Variants in SLC9A9 observed in about 807,000 individuals in gnomAD.
The protein encoded by SLC9A9 is sodium/hydrogen exchanger 9.
SLC9A9 carries 62 observed loss-of-function variants against 77.8 expected under a neutral mutation model. The ratio of observed to expected loss-of-function variants is 0.80; its 90% confidence interval spans 0.65 to 0.98. The LOEUF (loss-of-function observed/expected upper bound fraction) is 0.98. Among genes scored for constraint, SLC9A9 ranks in the 50% least tolerant of loss-of-function variants. The pLI, the probability that SLC9A9 is intolerant of heterozygous loss-of-function variation, is 0.00. For synonymous variants in SLC9A9, 320 were observed against 283.5 expected, an observed-to-expected ratio of 1.13 and a Z score of -1.29; for missense variants, 775 against 774.9, an observed-to-expected ratio of 1.00 and a Z score of 0.00.
chr3:143,711,036 G>T (rs971880987), intron 4 of SLC9A9, among the ~76,000 whole-genome samples: 1 of 152,116 alleles, frequency 6.6e-6, no homozygotes, highest in Non-Finnish European at 1.5e-5. Context: ...TTGATTGATG[G>T]TTTTAAAATA....
intron 12 of SLC9A9, among the ~76,000 whole-genome samples, chr3:143,410,359 C>T (rs1185014073): frequency 6.6e-6 from 1 of 152,204 alleles, no homozygotes; most frequent in Non-Finnish European, 1.5e-5. Flanking sequence ...CAGGCATCTC[C>T]AACTCCCTGT....
In SLC9A9 at chr3:143,266,371, G is replaced by A. The variant is rs551922061; in HGVS notation, c.*331C>T. 8 of 551,482 alleles carry A rather than the reference G, an allele frequency of 1.5e-5. No individual in the cohort carries two copies. In the East Asian group the frequency reaches 2.5e-4, roughly 17 times the overall value. 34.2% of individuals were successfully genotyped at this position (551,482 alleles called of 1,614,324 possible). A position where few individuals can be genotyped will look rare whatever the true frequency, so the allele number is the denominator to read the frequency against. On this transcript the variant is annotated 3_prime_UTR_variant, in exon 16 of 16. Transcript: ENST00000316549. The stretch of plus-strand genomic sequence containing the variant: ...AGAATAGAAGTGAAGGGCCTGGAGA[G>A]CCGCATTCGCAGCAGAAATGCCCTG...
intron 2 of SLC9A9, chr3:143,811,667 A>C: frequency 2.2e-6 from 1 of 454,394 alleles, no homozygotes. Flanking sequence ...CCAACATGGC[A>C]AAAAATGGTC....
At chr3:143,616,992 C>G (rs973714899) in intron 6 of SLC9A9, among the ~76,000 whole-genome samples, 3 of 151,892 alleles carry the variant, frequency 2.0e-5, no homozygotes, top group Admixed American at 6.6e-5. Context: ...AAGAAGAATG[C>G]TCAGGATGAA....
At chr3:143,609,178 G>T (rs1200454742) in intron 6 of SLC9A9, among the ~76,000 whole-genome samples, 6 of 152,102 alleles carry the variant, frequency 3.9e-5, no homozygotes, top group Non-Finnish European at 7.4e-5. Context: ...ACAGATTCCT[G>T]GGAAGCTTTC....
chr3:143,526,455 T>C (rs2036407229), intron 9 of SLC9A9, among the ~76,000 whole-genome samples: 1 of 152,198 alleles, frequency 6.6e-6, no homozygotes, highest in African/African-American at 2.4e-5. Context: ...AACTCCAAGC[T>C]AATATACTTA....
intron 4 of SLC9A9, among the ~76,000 whole-genome samples, chr3:143,729,362 A>C (rs1429271497): frequency 6.6e-6 from 1 of 152,240 alleles, no homozygotes; most frequent in Non-Finnish European, 1.5e-5. Flanking sequence ...CATCTGTAAA[A>C]TGGGCATAAT....
At chr3:143,466,536 T>G (rs1224202927) in intron 12 of SLC9A9, among the ~76,000 whole-genome samples, 1 of 152,226 alleles carries the variant, frequency 6.6e-6, no homozygotes, top group Non-Finnish European at 1.5e-5. Context: ...AACTTGTGTC[T>G]ATAGCATCCC....
chr3:143,347,337 GTT>G (rs1384012566), intron 14 of SLC9A9, among the ~76,000 whole-genome samples: 3 of 152,300 alleles, frequency 2.0e-5, no homozygotes, highest in African/African-American at 4.8e-5. Flanking sequence ...AGCAGAAATA[GTT>G]TTGTTTGTTT....
intron 14 of SLC9A9, among the ~76,000 whole-genome samples, chr3:143,296,938 T>C (rs1241293290): frequency 6.6e-6 from 1 of 152,204 alleles, no homozygotes; most frequent in Non-Finnish European, 1.5e-5. Context: ...CTTTATCAGA[T>C]ACATAGTTTG....
intron 5 of SLC9A9, among the ~76,000 whole-genome samples, chr3:143,654,665 T>G (rs2038858521): frequency 1.3e-5 from 2 of 152,262 alleles, no homozygotes; most frequent in South Asian, 4.1e-4. Context: ...ACTAGAACAT[T>G]CTATCATGGC....
intron 5 of SLC9A9, among the ~76,000 whole-genome samples, chr3:143,658,703 T>C (rs1283011973): frequency 6.6e-6 from 1 of 152,176 alleles, no homozygotes; most frequent in Non-Finnish European, 1.5e-5. Flanking sequence ...TGTTTGAGAA[T>C]AATCAATTGC....
intron 8 of SLC9A9, among the ~76,000 whole-genome samples, chr3:143,559,620 G>T (rs2037047503): frequency 6.6e-6 from 1 of 151,688 alleles, no homozygotes; most frequent in African/African-American, 2.4e-5. Flanking sequence ...TAAGCATTTT[G>T]AATAGAGGCC....
chr3:143,272,679 T>A (rs1287964552), intron 14 of SLC9A9, among the ~76,000 whole-genome samples: 1 of 152,044 alleles, frequency 6.6e-6, no homozygotes, highest in African/African-American at 2.4e-5. Flanking sequence ...TTCTATCTAT[T>A]AAAAAAAACC....
intron 9 of SLC9A9, among the ~76,000 whole-genome samples, chr3:143,539,151 A>C (rs1388713740): frequency 4.6e-5 from 7 of 152,208 alleles, no homozygotes; most frequent in African/African-American, 1.7e-4. Flanking sequence ...TCCCTTAAGA[A>C]GAGATTGGTC....
chr3:143,287,303 T>G (rs1938407343), intron 14 of SLC9A9, among the ~76,000 whole-genome samples: 1 of 152,200 alleles, frequency 6.6e-6, no homozygotes, highest in African/African-American at 2.4e-5. Flanking sequence ...CTTTGCCAGT[T>G]TAGAAACTCA....
intron 2 of SLC9A9, among the ~76,000 whole-genome samples, chr3:143,822,863 C>T (rs934144719): frequency 6.6e-6 from 1 of 152,170 alleles, no homozygotes; most frequent in Admixed American, 6.5e-5. Flanking sequence ...CTTTTCTCTC[C>T]CTCTCTCCCT....
In SLC9A9 at chr3:143,638,739, A is replaced by T. The variant is rs560265882; in HGVS notation, c.755+13516T>A. Among the ~76,000 whole-genome samples, 18 of 152,316 alleles carry T rather than the reference A, an allele frequency of 1.2e-4. No homozygotes were observed. The South Asian group carries it at 3.5e-3, about 30-fold the overall frequency. The stretch of plus-strand genomic sequence containing the variant: ...AGGGTGTCAGGCCCTGCAGTCAGGC[A>T]CAGAAAAATGGGCCCTGAATTCACC... On this transcript the variant is annotated intron_variant, in intron 6 of 15. Transcript: ENST00000316549.
chr3:143,304,615 G>A (rs928769194), intron 14 of SLC9A9, among the ~76,000 whole-genome samples: 2 of 152,136 alleles, frequency 1.3e-5, no homozygotes, highest in Non-Finnish European at 2.9e-5. Context: ...GCTCATAAAC[G>A]AGACACCCAA....
Sources: allele counts gnomAD v4.1 joint callset (sites outside exome capture counted in the v4.1 genomes callset), GRCh38; gene constraint gnomAD v4.1.1; transcripts MANE v1.5; gene names NCBI Gene and HGNC (gene_info 2026-07-23, HGNC 2026-07-21).